The following TOGARAM2 variants were observed in gnomAD, a reference collection of about 807,000 sequenced individuals.
The protein encoded by TOGARAM2 is TOG array regulator of axonemal microtubules 2, also known as TOG array regulator of axonemal microtubules protein 2.
A neutral mutation model predicts 93.3 loss-of-function variants in TOGARAM2; 85 were observed. The ratio of observed to expected loss-of-function variants is 0.91; its 90% CI spans 0.76 to 1.09. The LOEUF (loss-of-function observed/expected upper bound fraction) is 1.09, where lower values mean the gene tolerates loss of function less well. Among genes scored for constraint, TOGARAM2 ranks in the 50% least tolerant of loss-of-function variants. TOGARAM2 has a pLI of 0.00. For missense variants in TOGARAM2, 1,277 were observed against 1,334.5 expected, an observed-to-expected ratio of 0.96 and a Z score of 0.67; for synonymous variants, 593 against 552.8, an observed-to-expected ratio of 1.07 and a Z score of -1.02.
upstream of TOGARAM2, among the ~76,000 whole-genome samples, chr2:28,979,093 T>C (rs1427515894): frequency 1.3e-5 from 2 of 152,154 alleles, no homozygotes; most frequent in Non-Finnish European, 1.5e-5. Context: ...AGCTTCCAGG[T>C]GGCAGCCTGG....
At chr2:28,992,215 T>TC (rs1400906382) in intron 1 of TOGARAM2, among the ~76,000 whole-genome samples, 8 of 152,144 alleles carry the variant, frequency 5.3e-5, no homozygotes, top group Admixed American at 2.0e-4. Flanking sequence ...TTCCTACAGG[T>TC]CCCTGGGCCA....
At chr2:29,037,990 C>T (rs973330649) in intron 18 of TOGARAM2, among the ~76,000 whole-genome samples, 2 of 152,190 alleles carry the variant, frequency 1.3e-5, no homozygotes, top group Admixed American at 1.3e-4. Flanking sequence ...GAATTTTTAA[C>T]TCTTCCCCCT....
chr2:29,032,193 C>G (rs1030307045), intron 14 of TOGARAM2, among the ~76,000 whole-genome samples: 7 of 152,194 alleles, frequency 4.6e-5, no homozygotes, highest in African/African-American at 1.2e-4. Flanking sequence ...AGCCTAACTC[C>G]TTCATGTCTC....
upstream of TOGARAM2, among the ~76,000 whole-genome samples, chr2:28,978,202 C>T (rs536554966): frequency 1.3e-5 from 2 of 152,152 alleles, no homozygotes; most frequent in African/African-American, 2.4e-5. Context: ...CCACCGTGCC[C>T]GGCCGGAGAT....
intron 17 of TOGARAM2, 52 bp from the exon 18 acceptor site, chr2:29,036,489 G>A: frequency 6.3e-7 from 1 of 1,590,244 alleles, no homozygotes; most frequent in Non-Finnish European, 8.6e-7. Context: ...CACTGTGGGA[G>A]TCCTGCCCAG....
intron 6 of TOGARAM2, among the ~76,000 whole-genome samples, chr2:29,007,206 C>T (rs1299007301): frequency 1.3e-5 from 2 of 152,188 alleles, no homozygotes; most frequent in Non-Finnish European, 2.9e-5. Context: ...ATCCACAGGT[C>T]AGGCTCCGGG....
Position 29,052,184 on chromosome 2 carries a change from C to A in TOGARAM2, c.*91C>A. The stretch of plus-strand genomic sequence containing the variant: ...TTTCCCCCTTAGAGTTCCAGATGTA[C>A]ATGGTATATTTTGAAGTAGAAATAA... On this transcript the variant is annotated 3_prime_UTR_variant, in exon 20 of 20. Coordinates refer to ENST00000379558, the MANE Select transcript of TOGARAM2 (RefSeq NM_199280.4). The A allele has an allele frequency of 3.0e-6, 3 of 996,636 alleles. No individual in the cohort carries two copies. Among genetic ancestry groups the A allele is most frequent in the Non-Finnish European group, 4.2e-6 (3 of 712,220 alleles). 61.7% of individuals were successfully genotyped at this position (996,636 alleles called of 1,614,324 possible). A position where few individuals can be genotyped will look rare whatever the true frequency, so the allele number is the denominator to read the frequency against.
chr2:29,013,532 C>T (rs575881655), intron 7 of TOGARAM2, among the ~76,000 whole-genome samples: 54 of 152,130 alleles, frequency 3.5e-4, no homozygotes, highest in Non-Finnish European at 6.6e-4. Flanking sequence ...ACCAAAAGTC[C>T]GAGAGCCCCT....
rs75271483 is a variant in TOGARAM2, at chr2:28,982,090, T to C, written c.-111+552T>C. ...GCCTCTCTGAGCCTCAGGTTTCTCA[T>C]CTGTGAAGAAGGGTTTAAAAAAAGC... On this transcript the variant is annotated intron_variant, in intron 1 of 19. Coordinates refer to ENST00000379558, the MANE Select transcript of TOGARAM2 (RefSeq NM_199280.4). Among the ~76,000 whole-genome samples the C allele has an allele frequency of 1.3e-3, 191 of 152,266 alleles. 1 individual carries two copies. The highest frequency in any genetic ancestry group is 4.5e-3 in the African/African-American group (187 of 41,546).
rs1447837721 is a variant in TOGARAM2 at position 29,002,610 on chromosome 2, C to T, written c.502C>T (p.Leu168=). Residue 168 remains leucine, a synonymous_variant, in exon 5 of 20, where the codon CTG becomes TTG. Transcript: ENST00000379558. ...STIPRATSQR[L]LRVPRPMPLI... ...CATCCCCCGAGCCACCTCTCAGAGG[C>T]TGCTGAGGGTGCCCAGGCCGATGCC... 5 of 1,613,872 alleles carry T rather than the reference C, an allele frequency of 3.1e-6. No individual in the cohort carries two copies. Among genetic ancestry groups the T allele is most frequent in the African/African-American group, 1.3e-5 (1 of 74,958 alleles).
intron 7 of TOGARAM2, among the ~76,000 whole-genome samples, chr2:29,012,150 G>A (rs1013723838): frequency 1.1e-4 from 16 of 152,162 alleles, no homozygotes; most frequent in African/African-American, 3.9e-4. Context: ...GAGGTGGGAC[G>A]GGTGGATGGA....
chr2:28,985,214 C>G (rs1672411586), intron 1 of TOGARAM2, among the ~76,000 whole-genome samples: 2 of 152,108 alleles, frequency 1.3e-5, no homozygotes, highest in African/African-American at 4.8e-5. Context: ...CTCTCTCTGC[C>G]ATGTGAGGAC....
intron 6 of TOGARAM2, among the ~76,000 whole-genome samples, chr2:29,009,589 G>T (rs1289321977): frequency 6.6e-6 from 1 of 152,102 alleles, no homozygotes; most frequent in Non-Finnish European, 1.5e-5. Flanking sequence ...GGCTGAAGAT[G>T]GGGGAGCTGA....
chr2:29,052,022 A>T lies in TOGARAM2; in HGVS notation c.2989A>T (p.Lys997Ter). Residue 997 changes from lysine to a stop codon, truncating the protein, a stop_gained, in exon 20 of 20, where the codon AAG (lysine) becomes TAG (stop). Coordinates refer to ENST00000379558, the MANE Select transcript of TOGARAM2 (RefSeq NM_199280.4). LOFTEE classifies it low-confidence loss of function (END_TRUNC). ...LDSESLGGSR[K>*]ATDRGVAPDS... Reference sequence around the variant, plus strand: ...CTCAGAGTCCTTGGGAGGCAGCCGCAAGGCCACTGACAGAGGGGTGGCCCC... The same window carrying T: ...CTCAGAGTCCTTGGGAGGCAGCCGCTAGGCCACTGACAGAGGGGTGGCCCC... The T allele has an allele frequency of 6.2e-7, 1 of 1,612,830 alleles. No homozygotes were observed. Among genetic ancestry groups the T allele is most frequent in the Non-Finnish European group, 8.5e-7 (1 of 1,179,356 alleles).
At chr2:29,002,467 G>C in intron 4 of TOGARAM2, 69 bp from the exon 5 acceptor site, 1 of 1,419,312 alleles carries the variant, frequency 7.0e-7, no homozygotes. Flanking sequence ...CCGTTGCTGG[G>C]GTCTGAATCC....
chr2:29,017,118 G>A (rs1296972547), intron 8 of TOGARAM2, 36 bp from the exon 9 acceptor site: 2 of 1,596,562 alleles, frequency 1.3e-6, no homozygotes, highest in African/African-American at 2.7e-5. Flanking sequence ...TTGAATGAAT[G>A]GGAGGTTAAT....
intron 2 of TOGARAM2, among the ~76,000 whole-genome samples, chr2:28,996,541 G>T (rs1363065053): frequency 6.6e-6 from 1 of 152,084 alleles, no homozygotes; most frequent in Non-Finnish European, 1.5e-5. Context: ...TGACTGCCAG[G>T]CTGGGAGTGG....
Position 29,003,070 on chromosome 2 carries a change from G to A in TOGARAM2, c.639+323G>A, listed in dbSNP as rs141561373. On this transcript the variant is annotated intron_variant, in intron 5 of 19. Transcript: ENST00000379558. ...GTTCCAGAATTCCTCCTGCTTTCTGGCCCTCTCCATTTTAAGCAAGAGTGT... is the reference window on the plus strand; with the variant it reads ...GTTCCAGAATTCCTCCTGCTTTCTGACCCTCTCCATTTTAAGCAAGAGTGT... Among the ~76,000 whole-genome samples, 16 of 152,244 alleles carry A rather than the reference G, an allele frequency of 1.1e-4. No homozygotes were observed. In the East Asian group the frequency reaches 3.1e-3, roughly 29 times the overall value.
chr2:28,974,117 A>T (rs1671991957), intron 1 of TOGARAM2, among the ~76,000 whole-genome samples: 1 of 141,678 alleles, frequency 7.1e-6, no homozygotes, highest in Non-Finnish European at 1.5e-5. Flanking sequence ...AACTTTGATT[A>T]TAATATATCC....
Sources: gnomAD v4.1 joint callset for allele counts (sites outside exome capture counted in the v4.1 genomes callset) on GRCh38, gnomAD v4.1.1 for gene constraint, MANE v1.5 for transcripts, NCBI Gene and HGNC (gene_info 2026-07-23, HGNC 2026-07-21) for gene names.